The following RPS6KC1 variants were observed in gnomAD, a reference collection of about 807,000 sequenced individuals.
RPS6KC1 encodes the protein ribosomal protein S6 kinase C1.
Under a neutral mutation model 103.8 loss-of-function variants are expected in RPS6KC1, and 54 were observed. That is an observed-to-expected ratio of 0.52 (90% CI 0.42 to 0.65). The LOEUF is 0.65. Among genes scored for constraint, RPS6KC1 ranks in the 30% least tolerant of loss-of-function variants. RPS6KC1 has a pLI of 0.00. For missense variants in RPS6KC1, 1,151 were observed against 1,253.8 expected, an observed-to-expected ratio of 0.92 and a Z score of 1.24; for synonymous variants, 439 against 438.7, an observed-to-expected ratio of 1.00 and a Z score of -0.01.
chr1:213,492,498 T>A, the RPS6KC1 span: 3 of 152,374 alleles, frequency 2.0e-5, no homozygotes, highest in East Asian at 5.8e-4. Flanking sequence ...TTTCTAATAC[T>A]GCTTACCCTG....
At chr1:213,359,457 G>C in the RPS6KC1 span, among the ~76,000 whole-genome samples, 1 of 152,242 alleles carries the variant, frequency 6.6e-6, no homozygotes, top group South Asian at 2.1e-4. Context: ...TGTCTCTGCA[G>C]GGGAGATGGG....
At chr1:213,140,680 T>G (rs2086908686) in intron 6 of RPS6KC1, among the ~76,000 whole-genome samples, 2 of 152,098 alleles carry the variant, frequency 1.3e-5, no homozygotes, top group South Asian at 4.1e-4. Context: ...ATCCCAGAAA[T>G]AAATCCTACT....
At chr1:213,718,117 C>T in the RPS6KC1 span, among the ~76,000 whole-genome samples, 535 of 152,348 alleles carry the variant, frequency 3.5e-3, 2 homozygotes, top group African/African-American at 0.012. Flanking sequence ...TGACCTTCAA[C>T]AAGCTGAGCA....
chr1:213,714,236 C>A, the RPS6KC1 span, among the ~76,000 whole-genome samples: 155 of 152,266 alleles, frequency 1.0e-3, 3 homozygotes, highest in East Asian at 0.026. Context: ...GTGCAAATTT[C>A]CAGAAACAGT....
At chr1:213,449,762 C>T in the RPS6KC1 span, among the ~76,000 whole-genome samples, 2 of 152,144 alleles carry the variant, frequency 1.3e-5, no homozygotes, top group Admixed American at 6.5e-5. Flanking sequence ...CTTTGTGTAC[C>T]GTCTCTTTCT....
the RPS6KC1 span, among the ~76,000 whole-genome samples, chr1:213,427,246 A>G: frequency 3.9e-5 from 6 of 152,344 alleles, no homozygotes; most frequent in East Asian, 1.2e-3. Flanking sequence ...ATTAAGAGCC[A>G]TATGTATCTC....
the RPS6KC1 span, among the ~76,000 whole-genome samples, chr1:213,748,536 T>G: frequency 4.6e-5 from 7 of 152,326 alleles, no homozygotes; most frequent in Middle Eastern, 3.4e-3. Flanking sequence ...TATCTACAAT[T>G]ATGGAGAGAA....
chr1:213,636,716 A>G, the RPS6KC1 span, among the ~76,000 whole-genome samples: 117 of 151,574 alleles, frequency 7.7e-4, 2 homozygotes, highest in African/African-American at 2.6e-3. Flanking sequence ...CAAGAACTTC[A>G]TGACTAAAAC....
At chr1:213,313,291 C>G in the RPS6KC1 span, among the ~76,000 whole-genome samples, 1 of 152,128 alleles carries the variant, frequency 6.6e-6, no homozygotes, top group Admixed American at 6.5e-5. Flanking sequence ...GGAGGCAACT[C>G]TCAGAAGGGA....
chr1:213,634,581 T>A, the RPS6KC1 span, among the ~76,000 whole-genome samples: 25 of 152,128 alleles, frequency 1.6e-4, no homozygotes, highest in Non-Finnish European at 3.4e-4. Context: ...TTTAAAGCAG[T>A]GTGTAGAGGG....
the RPS6KC1 span, among the ~76,000 whole-genome samples, chr1:213,412,944 C>T: frequency 3.9e-3 from 600 of 152,354 alleles, 3 homozygotes; most frequent in African/African-American, 0.013. Flanking sequence ...CTTTGGTCAA[C>T]GTTCTTTGAC....
chr1:213,459,141 T>C, the RPS6KC1 span, among the ~76,000 whole-genome samples: 23 of 152,246 alleles, frequency 1.5e-4, no homozygotes, highest in African/African-American at 5.5e-4. Flanking sequence ...GGGAGGAGTC[T>C]CTCTTTTTCT....
At chr1:213,240,639 C>A in intron 10 of RPS6KC1, 63 bp from the exon 11 acceptor site, 1 of 1,384,372 alleles carries the variant, frequency 7.2e-7, no homozygotes, top group Non-Finnish European at 9.9e-7. Context: ...TTTCTAATGG[C>A]TTAAATAACT....
chr1:213,471,818 G>A, the RPS6KC1 span, among the ~76,000 whole-genome samples: 1 of 151,596 alleles, frequency 6.6e-6, no homozygotes, highest in Non-Finnish European at 1.5e-5. Flanking sequence ...CAAAACTTTG[G>A]TTCCAAGTAT....
At chr1:213,837,753 T>C in the RPS6KC1 span, among the ~76,000 whole-genome samples, 3 of 152,360 alleles carry the variant, frequency 2.0e-5, no homozygotes, top group African/African-American at 7.2e-5. Flanking sequence ...TCTATTTTAT[T>C]ATGTATCTGT....
chr1:213,784,325 T>G, the RPS6KC1 span, among the ~76,000 whole-genome samples: 1 of 152,210 alleles, frequency 6.6e-6, no homozygotes, highest in Non-Finnish European at 1.5e-5. Context: ...AATCCTGTGA[T>G]CTGCTTGGAA....
chr1:213,409,351 G>A, the RPS6KC1 span, among the ~76,000 whole-genome samples: 1 of 152,130 alleles, frequency 6.6e-6, no homozygotes, highest in African/African-American at 2.4e-5. Context: ...CGAGGAAGGG[G>A]AGGTGGTTCT....
At chr1:213,191,764 C>G (rs572610901) in intron 8 of RPS6KC1, among the ~76,000 whole-genome samples, 1 of 151,904 alleles carries the variant, frequency 6.6e-6, no homozygotes, top group South Asian at 2.1e-4. Flanking sequence ...CAGTGTGATA[C>G]TAGATATGGG....
chr1:213,523,868 TG>T, the RPS6KC1 span, among the ~76,000 whole-genome samples: 1 of 152,102 alleles, frequency 6.6e-6, no homozygotes, highest in African/African-American at 2.4e-5. Context: ...AGCTGAGAAC[TG>T]AGAGCTGCTT....
Sources: gnomAD v4.1 joint callset for allele counts (sites outside exome capture counted in the v4.1 genomes callset) on GRCh38, gnomAD v4.1.1 for gene constraint, MANE v1.5 for transcripts, NCBI Gene and HGNC (gene_info 2026-07-23, HGNC 2026-07-21) for gene names.